The following ADCY2 variants were observed in gnomAD, a reference collection of about 807,000 sequenced individuals.
The protein encoded by ADCY2 is adenylate cyclase type 2.
In ADCY2, 31 loss-of-function variants were observed where a neutral mutation model predicts 125.2. The ratio of observed to expected loss-of-function variants is 0.25; its 90% CI spans 0.19 to 0.33. The LOEUF is 0.33. Among genes scored for constraint, ADCY2 ranks in the 10% least tolerant of loss-of-function variants. ADCY2 has a pLI of 1.00. For missense variants in ADCY2, 904 were observed against 1,418.2 expected, an observed-to-expected ratio of 0.64 and a Z score of 5.82; for synonymous variants, 512 against 548.4, an observed-to-expected ratio of 0.93 and a Z score of 0.93.
intron 12 of ADCY2, among the ~76,000 whole-genome samples, chr5:7,722,813 A>T (rs908910150): frequency 6.6e-6 from 1 of 151,914 alleles, no homozygotes; most frequent in African/African-American, 2.4e-5. Flanking sequence ...TACAAAAATT[A>T]ACCGGGCATG....
intron 14 of ADCY2, among the ~76,000 whole-genome samples, chr5:7,730,091 A>G (rs1264368004): frequency 3.3e-5 from 5 of 152,102 alleles, no homozygotes; most frequent in Non-Finnish European, 7.4e-5. Context: ...GTGCCTTTAC[A>G]TACCCACAGC....
intron 4 of ADCY2, among the ~76,000 whole-genome samples, chr5:7,658,583 C>T (rs1422898036): frequency 6.6e-6 from 1 of 151,922 alleles, no homozygotes; most frequent in African/African-American, 2.4e-5. Flanking sequence ...CCACACCCAC[C>T]AAGAAGTGTA....
Position 7,812,178 on chromosome 5 carries a change from G to A in ADCY2, c.2884-4688G>A, listed in dbSNP as rs532950082. ...CTAATAGCCCCAGTTCCCTTCACTG[G>A]TAAGAATCGAGAATAGCTTAGGTCT... On this transcript the variant is annotated intron_variant, in intron 22 of 24. Transcript: ENST00000338316. Among the ~76,000 whole-genome samples the A allele has an allele frequency of 1.8e-3, 272 of 152,300 alleles. 1 individual carries two copies. The highest frequency in any genetic ancestry group is 6.1e-3 in the African/African-American group (252 of 41,562).
chr5:7,781,589 T>A (rs1350772), intron 18 of ADCY2, among the ~76,000 whole-genome samples: 2 of 152,142 alleles, frequency 1.3e-5, no homozygotes, highest in East Asian at 3.9e-4. Context: ...CATTCCCTAA[T>A]GGTTTCAGAA....
intron 18 of ADCY2, among the ~76,000 whole-genome samples, chr5:7,776,790 T>C (rs557789205): frequency 1.6e-4 from 25 of 152,290 alleles, no homozygotes; most frequent in Middle Eastern, 3.4e-3. Flanking sequence ...ATGGTTTTCA[T>C]CTTTATCCTG....
chr5:7,669,009 A>G (rs1739847577), intron 4 of ADCY2, among the ~76,000 whole-genome samples: 1 of 152,238 alleles, frequency 6.6e-6, no homozygotes. Context: ...AACTGCACCC[A>G]GTATGAGGAG....
chr5:7,793,002 G>A (rs888957868), intron 20 of ADCY2, among the ~76,000 whole-genome samples: 1 of 152,182 alleles, frequency 6.6e-6, no homozygotes, highest in African/African-American at 2.4e-5. Context: ...AGCAAAGTGC[G>A]GGTCTTGGCA....
At chr5:7,760,134 A>G (rs1057460558) in intron 16 of ADCY2, among the ~76,000 whole-genome samples, 1 of 152,264 alleles carries the variant, frequency 6.6e-6, no homozygotes, top group African/African-American at 2.4e-5. Flanking sequence ...ATCACAGGGA[A>G]GGAACCTGGA....
At chr5:7,438,545 CAG>C (rs1279435176) in intron 2 of ADCY2, among the ~76,000 whole-genome samples, 6 of 152,176 alleles carry the variant, frequency 3.9e-5, no homozygotes, top group South Asian at 2.1e-4. Flanking sequence ...GAGAGGGACT[CAG>C]GGGTGTGGCT....
chr5:7,489,072 T>A (rs1351246111), intron 2 of ADCY2, among the ~76,000 whole-genome samples: 1 of 152,170 alleles, frequency 6.6e-6, no homozygotes, highest in Non-Finnish European at 1.5e-5. Flanking sequence ...ACACAGACTT[T>A]CCTGCCCTGC....
intron 3 of ADCY2, among the ~76,000 whole-genome samples, chr5:7,596,275 T>TC (rs34326417): frequency 0.022 from 3,247 of 147,294 alleles, 106 homozygotes; most frequent in African/African-American, 0.075. Context: ...ATCCAAAAAC[T>TC]CCCCCCCCCC....
intron 2 of ADCY2, among the ~76,000 whole-genome samples, chr5:7,438,822 G>T (rs1297137702): frequency 6.6e-6 from 1 of 152,190 alleles, no homozygotes; most frequent in Non-Finnish European, 1.5e-5. Flanking sequence ...GAGCAGCAGG[G>T]TGGCATTTGA....
chr5:7,546,578 A>C (rs2126567970), intron 3 of ADCY2, among the ~76,000 whole-genome samples: 1 of 152,338 alleles, frequency 6.6e-6, no homozygotes, highest in African/African-American at 2.4e-5. Context: ...GCATTCAATC[A>C]GGCTCCAAGT....
intron 1 of ADCY2, among the ~76,000 whole-genome samples, chr5:7,407,867 CTTTTTTT>C (rs963332049): frequency 1.3e-4 from 16 of 127,924 alleles, no homozygotes; most frequent in African/African-American, 3.7e-4. Context: ...CTCTTCAGTT[CTTTTTTT>C]TTTTTTTTTT....
In ADCY2 at chr5:7,819,191, G is replaced by T. The variant is rs972537723; in HGVS notation, c.2999-1374G>T. Among the ~76,000 whole-genome samples the T allele has an allele frequency of 4.6e-5, 7 of 152,146 alleles. No homozygotes were observed. In the South Asian group the frequency reaches 1.4e-3, roughly 32 times the overall value. ...TGGTGCCCACTCACATTGAGGGTGGGTCTGCCTTTCCCAATCCACTCACTC... is the reference window on the plus strand; with the variant it reads ...TGGTGCCCACTCACATTGAGGGTGGTTCTGCCTTTCCCAATCCACTCACTC... On this transcript the variant is annotated intron_variant, in intron 23 of 24. Transcript: ENST00000338316.
At chr5:7,480,154 C>G (rs1742675549) in intron 2 of ADCY2, among the ~76,000 whole-genome samples, 1 of 152,162 alleles carries the variant, frequency 6.6e-6, no homozygotes, top group Admixed American at 6.5e-5. Flanking sequence ...AGTGCTTATA[C>G]ACTGTTAGTG....
In ADCY2 at chr5:7,526,322, G is replaced by A. The variant is rs115772011; in HGVS notation, c.570+5423G>A. ...AAGGACAAGAAGAAAAGGGAAGGCTGGGAAGGGAAGCGGGTGGTAAAATTG... is the reference window on the plus strand; with the variant it reads ...AAGGACAAGAAGAAAAGGGAAGGCTAGGAAGGGAAGCGGGTGGTAAAATTG... On this transcript the variant is annotated intron_variant, in intron 3 of 24. Transcript: ENST00000338316. Among the ~76,000 whole-genome samples the A allele has an allele frequency of 2.2e-3, 336 of 152,324 alleles. 1 individual carries two copies. Among genetic ancestry groups the A allele is most frequent in the African/African-American group, 7.7e-3 (319 of 41,572 alleles).
chr5:7,742,100 C>T (rs911140011), intron 14 of ADCY2, among the ~76,000 whole-genome samples: 19 of 145,932 alleles, frequency 1.3e-4, no homozygotes, highest in Non-Finnish European at 2.4e-4. Flanking sequence ...ACCTTAACAC[C>T]GAGAAAAAGC....
chr5:7,753,446 C>A (rs1052714617), intron 15 of ADCY2, among the ~76,000 whole-genome samples: 2 of 152,204 alleles, frequency 1.3e-5, no homozygotes, highest in African/African-American at 2.4e-5. Context: ...ACTGACTGGG[C>A]TCACAGCAGG....
Sources: gnomAD v4.1 joint callset for allele counts (sites outside exome capture counted in the v4.1 genomes callset) on GRCh38, gnomAD v4.1.1 for gene constraint, MANE v1.5 for transcripts, NCBI Gene and HGNC (gene_info 2026-07-23, HGNC 2026-07-21) for gene names.